Variants in GRAMD4 observed in about 807,000 individuals in gnomAD.
GRAMD4 encodes the protein GRAM domain containing 4, also known as GRAM domain-containing protein 4.
In GRAMD4, 25 loss-of-function variants were observed where a neutral mutation model predicts 83.9. The observed-to-expected ratio is 0.30, with a 90% CI of 0.22 to 0.42. The LOEUF (loss-of-function observed/expected upper bound fraction) is 0.42. Ranked by LOEUF, GRAMD4 falls within the 10% of genes least tolerant of loss-of-function variation. The probability of loss-of-function intolerance (pLI) is 1.00; values close to 1 mark genes in which losing one functional copy is unlikely to be tolerated. For missense variants in GRAMD4, 593 were observed against 788.7 expected (o/e 0.75, Z 2.97); for synonymous variants, 336 against 320.9 (o/e 1.05, Z -0.50).
chr22:46,614,193 G>A (rs137855304), intron 1 of GRAMD4, among the ~76,000 whole-genome samples: 290 of 152,334 alleles, frequency 1.9e-3, no homozygotes, highest in African/African-American at 6.8e-3. Flanking sequence ...GTGTGCTGCC[G>A]AGGTTCCCTG....
At position 46,673,707 on chromosome 22, in the gene GRAMD4, C is replaced by A. The variant is rs749783610; in HGVS notation, c.1277C>A (p.Ala426Glu). The change falls in exon 15 of 19, where the codon GCA (alanine) becomes GAA (glutamate). Residue 426 changes from alanine (A) to glutamate (E), a missense_variant. Coordinates refer to ENST00000406902, the MANE Select transcript of GRAMD4 (RefSeq NM_015124.5). ...TCGTCACGGAGCTACGTACCCAGCGCACCGGCCGGCCTGGGTAAAGAGGAG... is the reference window on the plus strand; with the variant it reads ...TCGTCACGGAGCTACGTACCCAGCGAACCGGCCGGCCTGGGTAAAGAGGAG... ...TTSSRSYVPS[A>E]PAGLGKEEDA... is the part of the protein sequence containing the mutation. 1 of 1,612,794 alleles carries A rather than the reference C, an allele frequency of 6.2e-7. No homozygotes were observed. The highest frequency in any genetic ancestry group is 2.2e-5 in the East Asian group (1 of 44,874).
intron 3 of GRAMD4, among the ~76,000 whole-genome samples, chr22:46,649,663 C>T (rs951481682): frequency 6.6e-6 from 1 of 152,234 alleles, no homozygotes. Flanking sequence ...GAAGCTTGCT[C>T]CTTCCTGGTT....
chr22:46,601,758 T>G (rs1055377815), intron 1 of GRAMD4, among the ~76,000 whole-genome samples: 1 of 152,220 alleles, frequency 6.6e-6, no homozygotes, highest in African/African-American at 2.4e-5. Context: ...ATTATGCCAC[T>G]GCACTCCAGC....
chr22:46,598,448 A>G (rs575399427), intron 1 of GRAMD4, among the ~76,000 whole-genome samples: 1 of 152,216 alleles, frequency 6.6e-6, no homozygotes, highest in Admixed American at 6.5e-5. Flanking sequence ...GAGGATTCTA[A>G]TTGAGCAAGC....
chr22:46,668,229 G>A, intron 11 of GRAMD4, 62 bp downstream of exon 11: 1 of 1,206,964 alleles, frequency 8.3e-7, no homozygotes, highest in Non-Finnish European at 1.2e-6. Context: ...AGCCAGGGGT[G>A]TGTCTACGCC....
intron 1 of GRAMD4, among the ~76,000 whole-genome samples, chr22:46,607,207 G>T (rs1297009092): frequency 1.3e-5 from 2 of 151,838 alleles, no homozygotes; most frequent in South Asian, 2.1e-4. Flanking sequence ...CTTTAAAAAG[G>T]GGGGGGTCAT....
chr22:46,663,704 T>TG lies in GRAMD4; in HGVS notation c.600-133dup, dbSNP rs2082365647. The TG allele has an allele frequency of 3.6e-6, 3 of 840,042 alleles. No individual in the cohort carries two copies. The South Asian group carries it at 4.3e-5, about 12-fold the overall frequency. The allele number at this position is 840,042 out of a possible 1,614,324, so 52.0% of individuals were successfully genotyped here. A position where few individuals can be genotyped will look rare whatever the true frequency, so the allele number is the denominator to read the frequency against. On this transcript the variant is annotated intron_variant, in intron 6 of 18. Coordinates refer to ENST00000406902, the MANE Select transcript of GRAMD4 (RefSeq NM_015124.5). ...GCTGAGCCGCCGTGCATGGCCATTC[T>TG]GTGCACTCAAGGGGTCCCAGGCTGT...
downstream of GRAMD4, chr22:46,682,597 G>T (rs1004496442): frequency 5.3e-5 from 10 of 188,954 alleles, no homozygotes; most frequent in Non-Finnish European, 8.9e-5. Context: ...AGGAGCTGCT[G>T]TGACCTGTGA....
intron 3 of GRAMD4, among the ~76,000 whole-genome samples, chr22:46,638,971 C>T (rs1442989621): frequency 5.3e-5 from 8 of 152,214 alleles, no homozygotes; most frequent in African/African-American, 9.7e-5. Flanking sequence ...CATGTCTGTG[C>T]GCTCACCTGG....
rs2081574555 is a variant in GRAMD4 at position 46,621,498 on chromosome 22, C to G, written c.-50+933C>G. Among the ~76,000 whole-genome samples, 1 of 151,390 alleles carries G rather than the reference C, an allele frequency of 6.6e-6. No homozygotes were observed. Among genetic ancestry groups the G allele is most frequent in the African/African-American group, 2.4e-5 (1 of 41,174 alleles). ...GCTGGAGGCGTAGCCCGGGCCCATC[C>G]CTGGCGGTGTGTCGCGGAGGGCACC... On this transcript the variant is annotated intron_variant, in intron 1 of 18. Transcript: ENST00000406902. This position sits in a 1 kb window ranked among gnomAD's most constrained non-coding sequence, Gnocchi z 5.8.
intron 2 of GRAMD4, among the ~76,000 whole-genome samples, chr22:46,630,031 CT>C (rs767819677): frequency 2.9e-4 from 43 of 147,130 alleles, no homozygotes; most frequent in Admixed American, 4.7e-4. Flanking sequence ...TTTTCTTATT[CT>C]TTTTTTTTTT....
chr22:46,613,888 A>G (rs2081442804), intron 1 of GRAMD4, among the ~76,000 whole-genome samples: 1 of 152,030 alleles, frequency 6.6e-6, no homozygotes, highest in Non-Finnish European at 1.5e-5. Flanking sequence ...TATTTCACGC[A>G]TCTGTCTCAA....
intron 3 of GRAMD4, among the ~76,000 whole-genome samples, chr22:46,647,180 G>T (rs920366136): frequency 2.6e-5 from 4 of 152,174 alleles, no homozygotes; most frequent in African/African-American, 7.2e-5. Flanking sequence ...GACTGTGAGT[G>T]GGTGACCCAG....
rs895049814 is a variant in GRAMD4 at position 46,672,184 on chromosome 22, T to C, written c.1085-659T>C. Among the ~76,000 whole-genome samples, 3 of 152,124 alleles carry C rather than the reference T, an allele frequency of 2.0e-5. No individual in the cohort carries two copies. The highest frequency in any genetic ancestry group is 2.9e-5 in the Non-Finnish European group (2 of 68,008). ...TCCCATCCCTGCATCTGTTGCCAGG[T>C]GGGGTCCTGGGGCGCAGTCAGGCCT... On this transcript the variant is annotated intron_variant, in intron 13 of 18. Transcript: ENST00000406902. The surrounding 1 kb of genome is among the most constrained non-coding windows in gnomAD (Gnocchi z 4.7).
intron 13 of GRAMD4, among the ~76,000 whole-genome samples, chr22:46,670,578 C>G (rs2082487250): frequency 6.6e-6 from 1 of 152,166 alleles, no homozygotes; most frequent in Non-Finnish European, 1.5e-5. Context: ...GGGTGTGCAC[C>G]TGGGTCTTGG....
At position 46,658,359 on chromosome 22, in the gene GRAMD4, C is replaced by T. The variant is rs757784786; in HGVS notation, c.404+52C>T. The T allele has an allele frequency of 1.1e-5, 17 of 1,485,962 alleles. No homozygotes were observed. The African/African-American group carries it at 2.1e-4, about 18-fold the overall frequency. The allele number at this position is 1,485,962 out of a possible 1,614,324, so 92.0% of individuals were successfully genotyped here. ...CCTGTGTGCGGCTGCCCCAACCCCC[C>T]ACCCCACCCGCCCCGCCGTCCTCTG... On this transcript the variant is annotated intron_variant, in intron 4 of 18. Coordinates refer to ENST00000406902, the MANE Select transcript of GRAMD4 (RefSeq NM_015124.5).
chr22:46,628,960 C>T (rs371436975), intron 2 of GRAMD4, among the ~76,000 whole-genome samples: 1 of 151,642 alleles, frequency 6.6e-6, no homozygotes, highest in Non-Finnish European at 1.5e-5. Flanking sequence ...TGGTGGTCCA[C>T]GAGGTACAAG....
In GRAMD4 at chr22:46,598,368, T is replaced by C. The variant is rs139573887; in HGVS notation, c.-50+21078T>C. Among the ~76,000 whole-genome samples the C allele has an allele frequency of 9.8e-3, 1,485 of 151,768 alleles. 10 individuals are homozygous for C. The highest frequency in any genetic ancestry group is 0.013 in the Non-Finnish European group (896 of 67,928). ...TGCTCTGGTAAGTGGAGTGAGGGAG[T>C]GTCTGTGAGATGGAGAGCGGGAGGG... On this transcript the variant is annotated intron_variant, in intron 1 of 1. Coordinates refer to the GRAMD4 transcript ENST00000431155.
At chr22:46,639,023 C>T (rs969389892) in intron 3 of GRAMD4, among the ~76,000 whole-genome samples, 1 of 152,228 alleles carries the variant, frequency 6.6e-6, no homozygotes, top group East Asian at 1.9e-4. Flanking sequence ...CTTGTGGATT[C>T]ACCTGGCAAC....
Sources: allele counts gnomAD v4.1 joint callset (sites outside exome capture counted in the v4.1 genomes callset), GRCh38; gene constraint gnomAD v4.1.1; non-coding constraint Gnocchi (gnomAD v3.1); transcripts MANE v1.5; gene names NCBI Gene and HGNC (gene_info 2026-07-23, HGNC 2026-07-21).